IPPK: variants seen among roughly 807,000 people sequenced by gnomAD.
IPPK encodes the protein IPK1 homolog.
A neutral mutation model predicts 64.6 loss-of-function variants in IPPK; 22 were observed. The observed-to-expected ratio is 0.34, with a 90% CI of 0.24 to 0.49. The LOEUF (loss-of-function observed/expected upper bound fraction) is 0.49, where lower values mean the gene tolerates loss of function less well. Among genes scored for constraint, IPPK ranks in the 20% least tolerant of loss-of-function variants. IPPK has a pLI of 0.99. For missense variants in IPPK, 532 were observed against 630.7 expected, an observed-to-expected ratio of 0.84 and a Z score of 1.68; for synonymous variants, 262 against 247.2, an observed-to-expected ratio of 1.06 and a Z score of -0.56.
At chr9:92,619,410 A>T (rs1482851227) in intron 12 of IPPK, 76 bp downstream of exon 12, 3 of 1,194,358 alleles carry the variant, frequency 2.5e-6, no homozygotes, top group Non-Finnish European at 3.6e-6. Context: ...GAAACCAACT[A>T]TCCTATTAAC....
chr9:92,634,509 A>C, intron 10 of IPPK, 21 bp from the exon 11 acceptor site: 1 of 1,573,580 alleles, frequency 6.4e-7, no homozygotes, highest in Non-Finnish European at 8.7e-7. Flanking sequence ...AAGCACAATA[A>C]AAACAGGATG....
chr9:92,623,891 A>G (rs2131421818), intron 11 of IPPK, among the ~76,000 whole-genome samples: 1 of 152,384 alleles, frequency 6.6e-6, no homozygotes, highest in South Asian at 2.1e-4. Flanking sequence ...ACATGTACAC[A>G]AAATCTGTAC....
intron 1 of IPPK, among the ~76,000 whole-genome samples, chr9:92,663,740 G>A (rs868196585): frequency 6.6e-6 from 1 of 152,136 alleles, no homozygotes; most frequent in African/African-American, 2.4e-5. Context: ...AGACTTTCCC[G>A]CCACCCACAG....
chr9:92,626,270 G>A (rs1475704029), intron 11 of IPPK, among the ~76,000 whole-genome samples: 1 of 152,078 alleles, frequency 6.6e-6, no homozygotes, highest in Admixed American at 6.6e-5. Flanking sequence ...GGTGGCAGGC[G>A]CCTGTAGTCC....
intron 5 of IPPK, 48 bp from the exon 6 acceptor site, chr9:92,648,196 A>G (rs1417273088): frequency 2.3e-6 from 3 of 1,293,322 alleles, no homozygotes; most frequent in Non-Finnish European, 3.3e-6. Flanking sequence ...AAGAAATCAC[A>G]TACCTCTAAA....
chr9:92,662,642 C>T (rs1167334421), intron 1 of IPPK, among the ~76,000 whole-genome samples: 1 of 152,168 alleles, frequency 6.6e-6, no homozygotes, highest in Non-Finnish European at 1.5e-5. Context: ...GCCCAAGCCA[C>T]ACCTTTATGT....
Position 92,661,231 on chromosome 9 carries a change from G to C in IPPK, c.82-2550C>G, listed in dbSNP as rs544765738. 3.3e-5 allele frequency among the ~76,000 whole-genome samples: 5 copies of C among 152,352 alleles called. No homozygotes were observed. In the East Asian group the frequency reaches 7.7e-4, roughly 23 times the overall value. On this transcript the variant is annotated intron_variant, in intron 1 of 12. Transcript: ENST00000287996. ...TCAGGTCTCAGAGAACCCAGGTCCA[G>C]CCTCGCCTGCTGGCCCAGCCTCAGC...
chr9:92,648,059 C>T lies in IPPK; in HGVS notation c.504G>A (p.Lys168=). Residue 168 remains lysine, a splice_region_variant and synonymous_variant, in exon 6 of 13, where the codon AAG becomes AAA. Transcript: ENST00000287996. The part of the protein sequence containing the change: ...VCRYCMHQHL[K]VATGKWKQIS... ...CCCACAGCTGGGCATTGGCTCTCAC[C>T]TTGAGGTGCTGGTGCATGCAGTATC... 1 of 1,611,316 alleles carries T rather than the reference C, an allele frequency of 6.2e-7. No homozygotes were observed.
rs1189785315 is a variant in IPPK at position 92,656,459 on chromosome 9, A to G, written c.222T>C (p.Tyr74=). 2 of 1,601,288 alleles carry G rather than the reference A, an allele frequency of 1.2e-6. No individual in the cohort carries two copies. The highest frequency in any genetic ancestry group is 1.7e-5 in the Admixed American group (1 of 59,990). The change falls in exon 3 of 13, where the codon TAT becomes TAC. Residue 74 remains tyrosine, a synonymous_variant. Transcript: ENST00000287996. ...GATGTGAATAAAAAGCACTTACCCC[A>G]TAATGAACATAGTTCTCCCCCAAAA... ...KEFLGENYVH[Y]GEVVQLPLEF...
In IPPK at chr9:92,649,544, A is replaced by G; in HGVS notation, c.323T>C (p.Leu108Pro). The change falls in exon 5 of 13, where the codon CTC (leucine) becomes CCC (proline). Residue 108 changes from leucine to proline, a missense_variant. By Grantham distance (98) the Leu-to-Pro change is moderately conservative (BLOSUM62 -3). Transcript: ENST00000287996. ...ESRCDKDLDT[L>P]SGYAMCLPNL... ...AGGAAGGCACATAGCGTAACCACTG[A>G]GAGTATCCAGGTCCTTGTCACAGCG... 1 of 1,614,136 alleles carries G rather than the reference A, an allele frequency of 6.2e-7. No individual in the cohort carries two copies. The highest frequency in any genetic ancestry group is 8.5e-7 in the Non-Finnish European group (1 of 1,180,006).
chr9:92,659,014 C>T (rs1852428412), intron 1 of IPPK, among the ~76,000 whole-genome samples: 1 of 152,220 alleles, frequency 6.6e-6, no homozygotes, highest in Non-Finnish European at 1.5e-5. Context: ...ATTTATAAAT[C>T]ACACAGTCAG....
intron 6 of IPPK, among the ~76,000 whole-genome samples, chr9:92,647,667 G>C (rs1403873158): frequency 6.6e-6 from 1 of 151,738 alleles, no homozygotes; most frequent in African/African-American, 2.4e-5. Context: ...AAAAATGTCA[G>C]CAACTAGATA....
chr9:92,644,771 C>G (rs1852118139), intron 6 of IPPK, among the ~76,000 whole-genome samples: 2 of 152,108 alleles, frequency 1.3e-5, no homozygotes, highest in African/African-American at 4.8e-5. Flanking sequence ...CTACAAGAAG[C>G]AGCAATAAAA....
intron 11 of IPPK, among the ~76,000 whole-genome samples, chr9:92,631,765 A>T (rs1315397372): frequency 6.6e-6 from 1 of 152,210 alleles, no homozygotes; most frequent in African/African-American, 2.4e-5. Context: ...CGGGTTTTAC[A>T]TATATGCGAG....
At chr9:92,645,873 T>C (rs1464120815) in intron 6 of IPPK, among the ~76,000 whole-genome samples, 1 of 151,996 alleles carries the variant, frequency 6.6e-6, no homozygotes, top group Non-Finnish European at 1.5e-5. Flanking sequence ...GGGAGTCCTT[T>C]TGGCTGAAAT....
chr9:92,653,714 T>C (rs1852314577), intron 3 of IPPK, among the ~76,000 whole-genome samples: 1 of 152,046 alleles, frequency 6.6e-6, no homozygotes, highest in Admixed American at 6.6e-5. Context: ...CCGGGTGTGG[T>C]GGCGCACGCC....
chr9:92,642,674 C>G (rs1046104420), intron 7 of IPPK, 78 bp downstream of exon 7: 20 of 1,254,570 alleles, frequency 1.6e-5, no homozygotes, highest in African/African-American at 7.3e-5. Context: ...CGAAATACCC[C>G]CCACCAGGCA....
chr9:92,646,723 C>T (rs1246466637), intron 6 of IPPK, among the ~76,000 whole-genome samples: 1 of 151,928 alleles, frequency 6.6e-6, no homozygotes, highest in African/African-American at 2.4e-5. Context: ...TTTGGGAGGC[C>T]GAGGCAGGTG....
rs764690866 is a variant in IPPK at position 92,634,496 on chromosome 9, A to C, written c.1068-8T>G. 13 of 1,600,560 alleles carry C rather than the reference A, an allele frequency of 8.1e-6. No individual in the cohort carries two copies. In the South Asian group the frequency reaches 1.4e-4, roughly 18 times the overall value. ...TCTATTTGTAAGGTTTTTCTGAAGA[A>C]GAAAGCACAATAAAAACAGGATGAC... On this transcript the variant is annotated splice_polypyrimidine_tract_variant and splice_region_variant and intron_variant, in intron 10 of 12. Coordinates refer to ENST00000287996, the MANE Select transcript of IPPK (RefSeq NM_022755.6).
Sources: allele counts gnomAD v4.1 joint callset (sites outside exome capture counted in the v4.1 genomes callset), GRCh38; gene constraint gnomAD v4.1.1; transcripts MANE v1.5; gene names NCBI Gene and HGNC (gene_info 2026-07-23, HGNC 2026-07-21).